Variants in SPAST observed in about 807,000 individuals in gnomAD.
SPAST encodes spastic paraplegia 4 (autosomal dominant; spastin).
In SPAST, 30 loss-of-function variants were observed where a neutral mutation model predicts 76.6. That is an observed-to-expected ratio of 0.39 (90% confidence interval 0.29 to 0.53). SPAST has a LOEUF of 0.53. Ranked by LOEUF, SPAST falls within the 20% of genes least tolerant of loss-of-function variation. The pLI is 0.68. For synonymous variants in SPAST, 305 were observed against 281.0 expected (o/e 1.09, Z -0.86); for missense variants, 717 against 770.5 (o/e 0.93, Z 0.82).
chr2:32,075,590 C>G (rs1285305148), intron 1 of SPAST, among the ~76,000 whole-genome samples: 1 of 117,530 alleles, frequency 8.5e-6, no homozygotes, highest in African/African-American at 3.3e-5. Context: ...CACTCTGTCA[C>G]CCAGGCTGGA....
At chr2:32,122,197 A>G (rs993696865) in intron 7 of SPAST, among the ~76,000 whole-genome samples, 4 of 152,184 alleles carry the variant, frequency 2.6e-5, no homozygotes, top group Non-Finnish European at 4.4e-5. Context: ...CTTCTCTAGA[A>G]AAGAATTTTC....
At chr2:32,130,340 AACAT>A (rs1222897130) in intron 9 of SPAST, 1 of 128,800 alleles carries the variant, frequency 7.8e-6, no homozygotes, top group Admixed American at 7.8e-5. Context: ...TGTTTTGGCA[AACAT>A]ACTTAAACTG....
At chr2:32,133,777 G>A (rs1302504139) in intron 9 of SPAST, among the ~76,000 whole-genome samples, 1 of 151,208 alleles carries the variant, frequency 6.6e-6, no homozygotes. Flanking sequence ...TAAATACTAG[G>A]GAAAAAAAAA....
intron 1 of SPAST, among the ~76,000 whole-genome samples, chr2:32,066,865 T>C (rs879594930): frequency 2.7e-5 from 4 of 150,730 alleles, no homozygotes; most frequent in Non-Finnish European, 4.4e-5. Flanking sequence ...TCCCAGCTAC[T>C]TGGGGGGCTG....
At chr2:32,144,386 T>G (rs1679818139) in intron 14 of SPAST, among the ~76,000 whole-genome samples, 1 of 152,228 alleles carries the variant, frequency 6.6e-6, no homozygotes, top group African/African-American at 2.4e-5. Flanking sequence ...TGTTTACAAT[T>G]TAATGAAGCC....
intron 5 of SPAST, 83 bp from the exon 6 acceptor site, chr2:32,115,619 T>C: frequency 9.4e-7 from 1 of 1,061,802 alleles, no homozygotes; most frequent in Non-Finnish European, 1.4e-6. Flanking sequence ...AAGCTTGAAT[T>C]CTGTGAACTT....
chr2:32,080,273 G>C (rs1677166387), intron 1 of SPAST, among the ~76,000 whole-genome samples: 1 of 152,026 alleles, frequency 6.6e-6, no homozygotes, highest in African/African-American at 2.4e-5. Context: ...TAATTGGGTT[G>C]TTTTTATGTT....
intron 3 of SPAST, among the ~76,000 whole-genome samples, chr2:32,096,494 G>A (rs574275755): frequency 1.3e-5 from 2 of 152,178 alleles, no homozygotes; most frequent in African/African-American, 4.8e-5. Flanking sequence ...TATACTGTAT[G>A]TGTCTATGAC....
chr2:32,113,634 C>T (rs1461853447), intron 4 of SPAST, among the ~76,000 whole-genome samples: 1 of 140,116 alleles, frequency 7.1e-6, no homozygotes, highest in Non-Finnish European at 1.5e-5. Flanking sequence ...AGTGCAATCT[C>T]GGCTTACTGC....
chr2:32,122,002 T>C (rs1439710408), intron 7 of SPAST, among the ~76,000 whole-genome samples: 1 of 152,214 alleles, frequency 6.6e-6, no homozygotes, highest in Admixed American at 6.5e-5. Flanking sequence ...GTCTGGTTAT[T>C]CTGGTTGTCC....
intron 1 of SPAST, among the ~76,000 whole-genome samples, chr2:32,069,792 C>T (rs984846341): frequency 6.6e-6 from 1 of 151,970 alleles, no homozygotes; most frequent in East Asian, 1.9e-4. Flanking sequence ...ATCTCCTGTC[C>T]TCGTGATCCG....
At chr2:32,133,714 C>A (rs892313688) in intron 9 of SPAST, among the ~76,000 whole-genome samples, 1 of 150,432 alleles carries the variant, frequency 6.6e-6, no homozygotes, top group Non-Finnish European at 1.5e-5. Context: ...TTTTTCCACA[C>A]CGTCTTCAAA....
chr2:32,069,210 C>A (rs1676648679), intron 1 of SPAST, among the ~76,000 whole-genome samples: 1 of 136,192 alleles, frequency 7.3e-6, no homozygotes, highest in African/African-American at 2.6e-5. Context: ...AAGACTCCAT[C>A]TCTCAAAAAA....
chr2:32,142,719 G>A (rs1181760409), intron 13 of SPAST, among the ~76,000 whole-genome samples: 1 of 152,080 alleles, frequency 6.6e-6, no homozygotes, highest in Admixed American at 6.6e-5. Flanking sequence ...TTCTAGAAAC[G>A]TAAAGCAGAT....
In SPAST at chr2:32,154,007, G is replaced by C. The variant is rs147870850; in HGVS notation, c.1729-367G>C. ...CAGAAGAATTGCTTGAACCTTGGAG[G>C]GGGAGGTTGCATATCTGAGTGGTGA... is the stretch of plus-strand genomic sequence containing the variant. On this transcript the variant is annotated intron_variant, in intron 16 of 16. Transcript: ENST00000315285. Among the ~76,000 whole-genome samples the C allele has an allele frequency of 2.0e-5, 3 of 152,254 alleles. No individual in the cohort carries two copies. The East Asian group carries it at 5.8e-4, about 29-fold the overall frequency.
At chr2:32,087,332 A>G (rs1208872180) in intron 1 of SPAST, among the ~76,000 whole-genome samples, 160 bp from the exon 2 acceptor site, 1 of 152,196 alleles carries the variant, frequency 6.6e-6, no homozygotes, top group African/African-American at 2.4e-5. Context: ...ATGGAGTTAC[A>G]TATACACATT....
Position 32,085,580 on chromosome 2 carries a change from C to T in SPAST, c.416-1912C>T, listed in dbSNP as rs72862276. On this transcript the variant is annotated intron_variant, in intron 1 of 16. Transcript: ENST00000315285. The stretch of plus-strand genomic sequence containing the variant: ...TTTTGAGCACCTACTGTCAACCAGC[C>T]GTAGTATATAATACTGATAATTCTA... Among the ~76,000 whole-genome samples, 451 of 152,062 alleles carry T rather than the reference C, an allele frequency of 3.0e-3. 4 individuals carry two copies. Among genetic ancestry groups the T allele is most frequent in the African/African-American group, 0.01 (424 of 41,462 alleles).
intron 10 of SPAST, 97 bp downstream of exon 10, chr2:32,136,735 A>C: frequency 7.7e-7 from 1 of 1,306,508 alleles, no homozygotes; most frequent in Non-Finnish European, 1.1e-6. Flanking sequence ...AGAAGGAAGA[A>C]GTTTTAAAGA....
chr2:32,070,672 C>G lies in SPAST; in HGVS notation c.415+6426C>G, dbSNP rs181055673. 2.6e-4 allele frequency among the ~76,000 whole-genome samples: 39 copies of G among 152,242 alleles called. No homozygotes were observed. In the East Asian group the frequency reaches 6.4e-3, roughly 25 times the overall value. On this transcript the variant is annotated intron_variant, in intron 1 of 16. Coordinates refer to ENST00000315285, the MANE Select transcript of SPAST (RefSeq NM_014946.4). ...TGAGACAGGGCCTTGGTCTGTTGTT[C>G]AGGCTGGAGTGCAATGACACCATCT...
Sources: allele counts gnomAD v4.1 joint callset (sites outside exome capture counted in the v4.1 genomes callset), GRCh38; gene constraint gnomAD v4.1.1; transcripts MANE v1.5; gene names NCBI Gene and HGNC (gene_info 2026-07-23, HGNC 2026-07-21).